Variants in PTBP2 observed in about 807,000 individuals in gnomAD.
The protein encoded by PTBP2 is polypyrimidine tract-binding protein 2.
A neutral mutation model predicts 61.4 loss-of-function variants in PTBP2; 13 were observed. The ratio of observed to expected loss-of-function variants is 0.21; its 90% confidence interval spans 0.14 to 0.34. The LOEUF (loss-of-function observed/expected upper bound fraction) is 0.34, where lower values mean the gene tolerates loss of function less well. Ranked by LOEUF, PTBP2 falls within the 10% of genes least tolerant of loss-of-function variation. PTBP2 has a pLI of 1.00. For synonymous variants in PTBP2, 215 were observed against 218.5 expected, an observed-to-expected ratio of 0.98 and a Z score of 0.14; for missense variants, 405 against 642.6, an observed-to-expected ratio of 0.63 and a Z score of 4.00.
At position 96,785,161 on chromosome 1, in the gene PTBP2, G is replaced by C; in HGVS notation, c.811G>C (p.Asp271His). The change falls in exon 8 of 14, where the codon GAT becomes CAT. Residue 271 changes from aspartate (D) to histidine (H), a missense_variant. Coordinates refer to ENST00000674951, the MANE Select transcript of PTBP2 (RefSeq NM_021190.4). Reference protein sequence around the residue: ...NVKYNNDKSRDYTRPDLPSGD... With the variant: ...NVKYNNDKSRHYTRPDLPSGD... Reference sequence around the variant, plus strand: ...AAAATACAACAATGATAAAAGTAGGGATTATACTCGACCTGATCTTCCATC... The same window carrying C: ...AAAATACAACAATGATAAAAGTAGGCATTATACTCGACCTGATCTTCCATC... 1 of 1,610,524 alleles carries C rather than the reference G, an allele frequency of 6.2e-7. No homozygotes were observed. Among genetic ancestry groups the C allele is most frequent in the Non-Finnish European group, 8.5e-7 (1 of 1,178,008 alleles).
chr1:96,806,608 T>C (rs927009672), intron 10 of PTBP2, among the ~76,000 whole-genome samples, 156 bp downstream of exon 10: 4 of 152,206 alleles, frequency 2.6e-5, no homozygotes, highest in African/African-American at 7.2e-5. Flanking sequence ...AAAATTTGTT[T>C]TAATGCATGC....
At chr1:96,751,560 C>A in intron 3 of PTBP2, 60 bp downstream of exon 3, 1 of 1,299,080 alleles carries the variant, frequency 7.7e-7, no homozygotes, top group Non-Finnish European at 1.1e-6. Flanking sequence ...AATGTTAAAA[C>A]TCAAATTTAA....
chr1:96,791,417 A>C (rs1001800646), intron 8 of PTBP2, among the ~76,000 whole-genome samples: 4 of 152,194 alleles, frequency 2.6e-5, no homozygotes, highest in Non-Finnish European at 4.4e-5. Flanking sequence ...TCAGGGTTTC[A>C]GTATCCTACA....
At chr1:96,807,866 T>C (rs551060829) in intron 11 of PTBP2, among the ~76,000 whole-genome samples, 56 of 152,176 alleles carry the variant, frequency 3.7e-4, no homozygotes, top group Non-Finnish European at 7.3e-4. Flanking sequence ...AAAATGGTGG[T>C]ATGTGTTTTA....
At chr1:96,756,113 A>C (rs952113676) in intron 3 of PTBP2, among the ~76,000 whole-genome samples, 1 of 152,176 alleles carries the variant, frequency 6.6e-6, no homozygotes, top group African/African-American at 2.4e-5. Flanking sequence ...TTAGAAAACT[A>C]TACGGCCGGG....
chr1:96,809,685 A>G (rs1194117523), intron 11 of PTBP2, among the ~76,000 whole-genome samples: 4 of 152,182 alleles, frequency 2.6e-5, no homozygotes. Context: ...CTAATTTATT[A>G]TTATTATTAT....
intron 8 of PTBP2, among the ~76,000 whole-genome samples, chr1:96,800,907 T>A (rs1179174751): frequency 6.6e-6 from 1 of 151,678 alleles, no homozygotes; most frequent in Non-Finnish European, 1.5e-5. Context: ...AAAACCCAGA[T>A]TTCAAGAAAA....
chr1:96,734,764 T>G (rs879605921), intron 2 of PTBP2, among the ~76,000 whole-genome samples: 11 of 152,006 alleles, frequency 7.2e-5, no homozygotes, highest in Non-Finnish European at 1.5e-4. Context: ...GTAATATTTT[T>G]AAGTGGTGGG....
intron 8 of PTBP2, among the ~76,000 whole-genome samples, chr1:96,802,402 A>G (rs1395962828): frequency 6.6e-6 from 1 of 152,092 alleles, no homozygotes; most frequent in African/African-American, 2.4e-5. Flanking sequence ...GTAGATGGTT[A>G]TAAGAGTCAA....
At chr1:96,807,608 G>T (rs1212635124) in intron 11 of PTBP2, among the ~76,000 whole-genome samples, 1 of 152,116 alleles carries the variant, frequency 6.6e-6, no homozygotes, top group Non-Finnish European at 1.5e-5. Flanking sequence ...TGAGATTCAG[G>T]GATAATGGTG....
chr1:96,763,125 TC>T (rs1656208408), intron 3 of PTBP2, among the ~76,000 whole-genome samples: 1 of 144,372 alleles, frequency 6.9e-6, no homozygotes, highest in Admixed American at 6.9e-5. Flanking sequence ...CTCCTCACGT[TC>T]CAGACGATGG....
At chr1:96,776,324 TA>T (rs1658035956) in intron 5 of PTBP2, among the ~76,000 whole-genome samples, 1 of 151,806 alleles carries the variant, frequency 6.6e-6, no homozygotes, top group Non-Finnish European at 1.5e-5. Context: ...AATTTACAAT[TA>T]TTTTTTCAAT....
chr1:96,776,521 G>T (rs1658065104), intron 5 of PTBP2, among the ~76,000 whole-genome samples: 2 of 151,842 alleles, frequency 1.3e-5, no homozygotes, highest in Non-Finnish European at 2.9e-5. Context: ...TTAGTAAAAT[G>T]ACTTTTCTTG....
At chr1:96,802,598 T>C (rs924968865) in intron 8 of PTBP2, among the ~76,000 whole-genome samples, 5 of 152,160 alleles carry the variant, frequency 3.3e-5, no homozygotes. Flanking sequence ...AAAGATCTAG[T>C]CCAAATATCT....
intron 10 of PTBP2, 71 bp from the exon 11 acceptor site, chr1:96,806,795 G>T (rs1000805299): frequency 2.2e-5 from 25 of 1,112,956 alleles, no homozygotes; most frequent in Non-Finnish European, 4.0e-6. Context: ...ATGTCAGAAA[G>T]ATAATCTTTA....
intron 8 of PTBP2, among the ~76,000 whole-genome samples, chr1:96,797,264 A>G (rs1395486148): frequency 6.6e-6 from 1 of 152,142 alleles, no homozygotes; most frequent in African/African-American, 2.4e-5. Context: ...CTTTGGAGAA[A>G]AGTTGAGGGA....
chr1:96,751,178 C>T (rs1654487442), intron 2 of PTBP2: 2 of 525,956 alleles, frequency 3.8e-6, no homozygotes, highest in Admixed American at 6.2e-5. Flanking sequence ...CTTATAGAAT[C>T]TAATCACTTT....
intron 3 of PTBP2, among the ~76,000 whole-genome samples, chr1:96,760,350 T>C (rs1391423224): frequency 6.6e-6 from 1 of 150,940 alleles, no homozygotes; most frequent in East Asian, 1.9e-4. Context: ...TGGCTAAAAT[T>C]AAATAGATTG....
In PTBP2 at chr1:96,740,270, G is replaced by A. The variant is rs1652825336; in HGVS notation, c.40-11155G>A. On this transcript the variant is annotated intron_variant, in intron 2 of 13. Transcript: ENST00000674951. ...TGGAAACTGGGAAGTCCAAGATCAAGGTACCAGCAAGGCAACTTTCCTTCT... is the reference window on the plus strand; with the variant it reads ...TGGAAACTGGGAAGTCCAAGATCAAAGTACCAGCAAGGCAACTTTCCTTCT... Among the ~76,000 whole-genome samples the A allele has an allele frequency of 2.0e-5, 3 of 152,170 alleles. No homozygotes were observed. In the South Asian group the frequency reaches 6.2e-4, roughly 31 times the overall value.
Sources: gnomAD v4.1 joint callset for allele counts (sites outside exome capture counted in the v4.1 genomes callset) on GRCh38, gnomAD v4.1.1 for gene constraint, MANE v1.5 for transcripts, NCBI Gene and HGNC (gene_info 2026-07-23, HGNC 2026-07-21) for gene names.